The following TBCD variants were observed in gnomAD, a reference collection of about 807,000 sequenced individuals.
TBCD encodes the protein tubulin folding cofactor D.
TBCD carries 105 observed loss-of-function variants against 169.3 expected under a neutral mutation model. The observed-to-expected ratio is 0.62, with a 90% CI of 0.53 to 0.73. The LOEUF is 0.73. Among genes scored for constraint, TBCD ranks in the 30% least tolerant of loss-of-function variants. TBCD has a pLI of 0.00. For synonymous variants in TBCD, 700 were observed against 643.9 expected, an observed-to-expected ratio of 1.09 and a Z score of -1.32; for missense variants, 1,444 against 1,600.1, an observed-to-expected ratio of 0.90 and a Z score of 1.66.
rs553064771 is a variant in TBCD at position 82,806,973 on chromosome 17, G to A, written c.1088-635G>A. Among the ~76,000 whole-genome samples the A allele has an allele frequency of 6.6e-6, 1 of 152,328 alleles. No homozygotes were observed. Among genetic ancestry groups the A allele is most frequent in the African/African-American group, 2.4e-5 (1 of 41,578 alleles). The stretch of plus-strand genomic sequence containing the variant: ...CATTCCCGTCTCCCACCCGCTGCAG[G>A]CAGTCCCCCCTGCCCGCATTCCAGC... On this transcript the variant is annotated intron_variant, in intron 10 of 38. Coordinates refer to ENST00000355528, the MANE Select transcript of TBCD (RefSeq NM_005993.5). The surrounding 1 kb of genome is among the most constrained non-coding windows in gnomAD (Gnocchi z 5.1).
intron 5 of TBCD, among the ~76,000 whole-genome samples, chr17:82,768,893 T>C (rs1380713775): frequency 6.6e-6 from 1 of 152,192 alleles, no homozygotes; most frequent in East Asian, 1.9e-4. Context: ...AAATAATAGA[T>C]GCTCATTTGT....
intron 13 of TBCD, among the ~76,000 whole-genome samples, chr17:82,819,953 G>A (rs2052271443): frequency 6.6e-6 from 1 of 151,848 alleles, no homozygotes; most frequent in African/African-American, 2.4e-5. Context: ...CAGGTGGGGG[G>A]ATGTATTGGT....
In TBCD at chr17:82,798,115, T is replaced by TA. The variant is rs1285807313; in HGVS notation, c.817+314dup. On this transcript the variant is annotated intron_variant, in intron 8 of 38. Coordinates refer to ENST00000355528, the MANE Select transcript of TBCD (RefSeq NM_005993.5). Reference sequence around the variant, plus strand: ...CCTCAGCCTCCCGAGTAGCTGGGACTACAGGTGCCTGCCACCATGCCCAGC... The same window carrying TA: ...CCTCAGCCTCCCGAGTAGCTGGGACTAACAGGTGCCTGCCACCATGCCCAGC... Among the ~76,000 whole-genome samples, 3 of 151,534 alleles carry TA rather than the reference T, an allele frequency of 2.0e-5. 1 individual carries two copies. In the South Asian group the frequency reaches 6.3e-4, roughly 32 times the overall value.
At chr17:82,758,159 C>T (rs1027754847) in intron 2 of TBCD, among the ~76,000 whole-genome samples, 1 of 151,592 alleles carries the variant, frequency 6.6e-6, no homozygotes, top group Admixed American at 6.6e-5. Flanking sequence ...GAGGCCGGGG[C>T]GGGTGGATCA....
chr17:82,842,857 T>G (rs1033233618), intron 13 of TBCD, among the ~76,000 whole-genome samples: 1 of 149,286 alleles, frequency 6.7e-6, no homozygotes, highest in Non-Finnish European at 1.5e-5. Flanking sequence ...CTCGGCTCAC[T>G]GCAAACTCCA....
chr17:82,776,271 G>A (rs1265001097), intron 6 of TBCD, among the ~76,000 whole-genome samples: 8 of 152,080 alleles, frequency 5.3e-5, no homozygotes, highest in Non-Finnish European at 1.0e-4. Flanking sequence ...TTGGCGTGGC[G>A]TGGTGGCACG....
chr17:82,830,990 T>G (rs201065786), intron 13 of TBCD: 771 of 1,613,690 alleles, frequency 4.8e-4, no homozygotes, highest in Admixed American at 1.0e-3. Context: ...AACATTCCCT[T>G]GGAGGTTTTG....
At chr17:82,856,651 T>G (rs182909407) in intron 13 of TBCD, among the ~76,000 whole-genome samples, 1 of 152,350 alleles carries the variant, frequency 6.6e-6, no homozygotes, top group East Asian at 1.9e-4. Context: ...GAAGAATGCT[T>G]CTGTGAACGT....
intron 7 of TBCD, among the ~76,000 whole-genome samples, chr17:82,790,055 G>A (rs1028980156): frequency 2.6e-5 from 4 of 152,156 alleles, no homozygotes; most frequent in African/African-American, 4.8e-5. Context: ...TCATGTGGCT[G>A]CGCCGCCACC....
intron 13 of TBCD, among the ~76,000 whole-genome samples, chr17:82,815,146 C>G (rs2051773761): frequency 6.6e-6 from 1 of 152,228 alleles, no homozygotes; most frequent in African/African-American, 2.4e-5. Flanking sequence ...AGCTTGAGAA[C>G]AAGGTCTGTC....
chr17:82,911,381 C>T (rs1479598244), intron 22 of TBCD, among the ~76,000 whole-genome samples: 2 of 151,552 alleles, frequency 1.3e-5, no homozygotes, highest in Admixed American at 1.3e-4. Context: ...CGCCTAGCTT[C>T]GCTCATGGTA....
At chr17:82,909,457 C>G (rs2271915) in intron 22 of TBCD, 150 bp downstream of exon 22, 1 of 511,886 alleles carries the variant, frequency 2.0e-6, no homozygotes, top group Non-Finnish European at 3.7e-6. Context: ...CTGTGGGAGG[C>G]GCATGAGGGT....
Position 82,850,107 on chromosome 17 carries a change from G to C in TBCD, c.1319-20117G>C, listed in dbSNP as rs1465163927. Among the ~76,000 whole-genome samples the C allele has an allele frequency of 3.2e-4, 33 of 102,476 alleles. 7 individuals carry two copies. The highest frequency in any genetic ancestry group is 9.2e-4 in the African/African-American group (21 of 22,884). 67.2% of individuals were successfully genotyped at this position (102,476 alleles called of 152,430 possible). ...GCTGCTGTTGGCTGTGCTGCTGTTG[G>C]CTGTGCTGCTGTTGGCTGTGTTGTT... On this transcript the variant is annotated intron_variant, in intron 13 of 38. Transcript: ENST00000355528.
chr17:82,760,221 C>T (rs1220085884), intron 2 of TBCD, among the ~76,000 whole-genome samples: 1 of 152,132 alleles, frequency 6.6e-6, no homozygotes, highest in African/African-American at 2.4e-5. Context: ...GGCATCCTTT[C>T]CTCTTATTTT....
rs576752505 is a variant in TBCD at position 82,833,367 on chromosome 17, C to T, written c.1318+18433C>T. Among the ~76,000 whole-genome samples, 19 of 152,076 alleles carry T rather than the reference C, an allele frequency of 1.2e-4. No homozygotes were observed. The highest frequency in any genetic ancestry group is 2.4e-4 in the Non-Finnish European group (16 of 68,016). On this transcript the variant is annotated intron_variant, in intron 13 of 38. Coordinates refer to ENST00000355528, the MANE Select transcript of TBCD (RefSeq NM_005993.5). The surrounding 1 kb of genome is among the most constrained non-coding windows in gnomAD (Gnocchi z 4.7). Reference sequence around the variant, plus strand: ...CAGTTTCTGCCCACTTTAGCCACGTCGTTGGTGTATTCTAGTGTGCTTGTT... The same window carrying T: ...CAGTTTCTGCCCACTTTAGCCACGTTGTTGGTGTATTCTAGTGTGCTTGTT...
chr17:82,831,388 A>T lies in TBCD; in HGVS notation c.1318+16454A>T, dbSNP rs774695767. The T allele has an allele frequency of 3.1e-5, 50 of 1,613,956 alleles. No homozygotes were observed. The highest frequency in any genetic ancestry group is 4.2e-5 in the Non-Finnish European group (49 of 1,180,020). ...CCTGGAAGGACTCGAGGCTGGATAGACCAGGGTGGCTTCTTCAAGCAGGTG... is the reference window on the plus strand; with the variant it reads ...CCTGGAAGGACTCGAGGCTGGATAGTCCAGGGTGGCTTCTTCAAGCAGGTG... On this transcript the variant is annotated intron_variant, in intron 13 of 38. Transcript: ENST00000355528. This position sits in a 1 kb window ranked among gnomAD's most constrained non-coding sequence, Gnocchi z 4.6.
rs1371876392 is a variant in TBCD at position 82,945,741 on chromosome 17, T to C, written c.*3278T>C. On this transcript the variant is annotated 3_prime_UTR_variant, in exon 39 of 39. Coordinates refer to ENST00000355528, the MANE Select transcript of TBCD (RefSeq NM_005993.5). ...GAAGCAGCATCCCCCTACCCAGCTGTGACAAAAAGAAAAAAAAATGTCTCC... is the reference window on the plus strand; with the variant it reads ...GAAGCAGCATCCCCCTACCCAGCTGCGACAAAAAGAAAAAAAAATGTCTCC... 2 of 151,944 alleles carry C rather than the reference T, an allele frequency of 1.3e-5. No homozygotes were observed. The highest frequency in any genetic ancestry group is 6.6e-5 in the Admixed American group (1 of 15,254). The allele number at this position is 151,944 out of a possible 1,614,324, so 9.4% of individuals were successfully genotyped here.
intron 13 of TBCD, among the ~76,000 whole-genome samples, chr17:82,856,975 G>C (rs1024160267): frequency 1.3e-5 from 2 of 151,974 alleles, no homozygotes; most frequent in Non-Finnish European, 2.9e-5. Context: ...CCCTCGGTGC[G>C]CATCCAGGGC....
chr17:82,882,400 G>A (rs981053049), intron 14 of TBCD, among the ~76,000 whole-genome samples: 3 of 152,294 alleles, frequency 2.0e-5, no homozygotes, highest in African/African-American at 4.8e-5. Flanking sequence ...GGCCTGGAGC[G>A]GGCACCTGTG....
Sources: gnomAD v4.1 joint callset for allele counts (sites outside exome capture counted in the v4.1 genomes callset) on GRCh38, gnomAD v4.1.1 for gene constraint, Gnocchi (gnomAD v3.1) non-coding constraint, MANE v1.5 for transcripts, NCBI Gene and HGNC (gene_info 2026-07-23, HGNC 2026-07-21) for gene names.